PLD5: variants seen among roughly 807,000 people sequenced by gnomAD.
PLD5 encodes the protein phospholipase D family member 5.
PLD5 carries 36 observed loss-of-function variants against 61.1 expected under a neutral mutation model. The ratio of observed to expected loss-of-function variants is 0.59; its 90% CI spans 0.45 to 0.78. The LOEUF (loss-of-function observed/expected upper bound fraction) is 0.78, where lower values mean the gene tolerates loss of function less well. Among genes scored for constraint, PLD5 ranks in the 30% least tolerant of loss-of-function variants. The pLI, the probability that PLD5 is intolerant of heterozygous loss-of-function variation, is 0.00. For missense variants in PLD5, 515 were observed against 644.4 expected, an observed-to-expected ratio of 0.80 and a Z score of 2.17; for synonymous variants, 243 against 242.8, an observed-to-expected ratio of 1.00 and a Z score of -0.01.
In PLD5 at chr1:242,083,410, G is replaced by C. The variant is rs1659336968; in HGVS notation, c.*6444C>G. 6.6e-6 allele frequency: 1 copy of C among 152,300 alleles called. No individual in the cohort carries two copies. The highest frequency in any genetic ancestry group is 1.9e-4 in the East Asian group (1 of 5,172). The allele number at this position is 152,300 out of a possible 1,614,324, so 9.4% of individuals were successfully genotyped here. ...CAATCAGCTGTGGCCAGTGTAGAGA[G>C]CTCACATGGCAGAAAACATGGTTTT... On this transcript the variant is annotated 3_prime_UTR_variant, in exon 10 of 10. Coordinates refer to ENST00000536534, the MANE Select transcript of PLD5 (RefSeq NM_001372062.1).
At chr1:242,250,432 G>A (rs1330022048) in intron 4 of PLD5, among the ~76,000 whole-genome samples, 1 of 152,198 alleles carries the variant, frequency 6.6e-6, no homozygotes, top group East Asian at 1.9e-4. Flanking sequence ...GCTCAGCTTG[G>A]AGGGAGGTGG....
chr1:242,130,378 C>T (rs1663142782), intron 5 of PLD5, among the ~76,000 whole-genome samples: 1 of 152,190 alleles, frequency 6.6e-6, no homozygotes, highest in South Asian at 2.1e-4. Context: ...GATTCCACAT[C>T]TTTGCTACTG....
intron 1 of PLD5, among the ~76,000 whole-genome samples, chr1:242,504,062 G>A (rs1455429178): frequency 8.6e-5 from 13 of 151,898 alleles, no homozygotes; most frequent in Admixed American, 8.5e-4. Context: ...ATTTTGTTTT[G>A]TTGTTATATT....
intron 1 of PLD5, among the ~76,000 whole-genome samples, chr1:242,486,830 G>T (rs200894227): frequency 0.042 from 6,419 of 152,008 alleles, 173 homozygotes; most frequent in Middle Eastern, 0.061. Flanking sequence ...AACAATGATA[G>T]ACTGGATTAA....
chr1:242,134,869 A>T (rs183410077), intron 5 of PLD5, among the ~76,000 whole-genome samples: 3 of 152,300 alleles, frequency 2.0e-5, no homozygotes, highest in Admixed American at 2.0e-4. Flanking sequence ...TTCCAGAAAC[A>T]TTGCAGAATG....
At chr1:242,493,273 G>C (rs1376973529) in intron 1 of PLD5, among the ~76,000 whole-genome samples, 1 of 152,098 alleles carries the variant, frequency 6.6e-6, no homozygotes, top group Non-Finnish European at 1.5e-5. Context: ...CTGTGGACTT[G>C]ACTATTAAAA....
intron 1 of PLD5, among the ~76,000 whole-genome samples, chr1:242,486,415 C>T (rs543507292): frequency 1.6e-4 from 24 of 152,242 alleles, no homozygotes; most frequent in African/African-American, 5.5e-4. Flanking sequence ...TGAACAGACA[C>T]TTCTCAAAAG....
intron 1 of PLD5, among the ~76,000 whole-genome samples, chr1:242,429,327 A>C (rs1039529): frequency 0.34 from 51,538 of 152,136 alleles, 9,101 homozygotes; most frequent in Middle Eastern, 0.47. Context: ...AATAATTTAA[A>C]CCACAAGAAA....
chr1:242,138,697 C>T (rs1003057556), intron 5 of PLD5, among the ~76,000 whole-genome samples: 1 of 152,188 alleles, frequency 6.6e-6, no homozygotes, highest in African/African-American at 2.4e-5. Context: ...TGGAGAAAGG[C>T]CAATCTGCTC....
At chr1:242,137,674 G>A (rs750731681) in intron 5 of PLD5, among the ~76,000 whole-genome samples, 13 of 152,106 alleles carry the variant, frequency 8.5e-5, no homozygotes, top group Non-Finnish European at 1.9e-4. Context: ...ACAGCCAAGT[G>A]TACCATGAGC....
Position 242,165,990 on chromosome 1 carries a change from G to A in PLD5, c.736-41325C>T, listed in dbSNP as rs529095353. On this transcript the variant is annotated intron_variant, in intron 5 of 9. Coordinates refer to ENST00000536534, the MANE Select transcript of PLD5 (RefSeq NM_001372062.1). ...TAACCCAGGGACGAAGCGCTGCCCC[G>A]CACCACACCCTGACCCATTATGCTG... 1.5e-4 allele frequency among the ~76,000 whole-genome samples: 23 copies of A among 152,278 alleles called. No homozygotes were observed. The South Asian group carries it at 1.9e-3, about 12-fold the overall frequency.
At chr1:242,395,723 C>G (rs143615978) in intron 1 of PLD5, among the ~76,000 whole-genome samples, 2 of 152,274 alleles carry the variant, frequency 1.3e-5, no homozygotes, top group Admixed American at 1.3e-4. Context: ...TAAATATATT[C>G]ACACAGTAAG....
At chr1:242,334,917 A>C (rs1193181474) in intron 2 of PLD5, among the ~76,000 whole-genome samples, 1 of 152,132 alleles carries the variant, frequency 6.6e-6, no homozygotes, top group Non-Finnish European at 1.5e-5. Flanking sequence ...CTTCCTCTAG[A>C]AGCTCAAAAC....
At chr1:242,182,619 G>A (rs780603081) in intron 5 of PLD5, among the ~76,000 whole-genome samples, 6 of 152,148 alleles carry the variant, frequency 3.9e-5, no homozygotes, top group Non-Finnish European at 8.8e-5. Flanking sequence ...GAGGCAGGTG[G>A]ATCACTTGAG....
chr1:242,176,861 A>G (rs537612276), intron 5 of PLD5, among the ~76,000 whole-genome samples: 1 of 152,362 alleles, frequency 6.6e-6, no homozygotes, highest in South Asian at 2.1e-4. Context: ...AATGCAAATC[A>G]AAACCACAAT....
intron 7 of PLD5, among the ~76,000 whole-genome samples, chr1:242,108,331 C>A (rs774676864): frequency 6.6e-6 from 1 of 152,152 alleles, no homozygotes; most frequent in South Asian, 2.1e-4. Flanking sequence ...CGTGGTGTCT[C>A]CTTACCAAGC....
chr1:242,479,268 T>C (rs758001015), intron 1 of PLD5, among the ~76,000 whole-genome samples: 12 of 152,228 alleles, frequency 7.9e-5, no homozygotes, highest in Non-Finnish European at 1.5e-4. Flanking sequence ...GATAACATGA[T>C]AGACTCTGAA....
At chr1:242,315,338 G>A (rs1368579128) in intron 2 of PLD5, among the ~76,000 whole-genome samples, 2 of 152,030 alleles carry the variant, frequency 1.3e-5, no homozygotes, top group Non-Finnish European at 2.9e-5. Flanking sequence ...ATACCGGAAA[G>A]GACATTTGCC....
chr1:242,248,301 T>C (rs1024224106), intron 4 of PLD5, among the ~76,000 whole-genome samples: 7 of 152,128 alleles, frequency 4.6e-5, no homozygotes, highest in African/African-American at 1.2e-4. Context: ...ACTATTGCCA[T>C]AAACAGCTGT....
Sources: allele counts gnomAD v4.1 joint callset (sites outside exome capture counted in the v4.1 genomes callset), GRCh38; gene constraint gnomAD v4.1.1; transcripts MANE v1.5; gene names NCBI Gene and HGNC (gene_info 2026-07-23, HGNC 2026-07-21).